AFG3L2: variants seen among roughly 807,000 people sequenced by gnomAD.
The protein encoded by AFG3L2 is mitochondrial inner membrane m-AAA protease component AFG3L2.
Under a neutral mutation model 94.5 loss-of-function variants are expected in AFG3L2, and 54 were observed. The observed-to-expected ratio is 0.57, with a 90% CI of 0.46 to 0.72. AFG3L2 has a LOEUF of 0.72. AFG3L2 is among the 30% of genes least tolerant of loss of function. The pLI is 0.00. For missense variants in AFG3L2, 754 were observed against 994.9 expected (o/e 0.76, Z 3.26); for synonymous variants, 377 against 365.5 (o/e 1.03, Z -0.36).
chr18:12,336,143 T>C (rs899002407), intron 16 of AFG3L2, among the ~76,000 whole-genome samples: 1 of 152,184 alleles, frequency 6.6e-6, no homozygotes, highest in Non-Finnish European at 1.5e-5. Flanking sequence ...CTTGTAAAAC[T>C]AATGAAAGGC....
At chr18:12,352,364 T>C (rs547457755) in intron 10 of AFG3L2, among the ~76,000 whole-genome samples, 4 of 152,066 alleles carry the variant, frequency 2.6e-5, no homozygotes, top group Non-Finnish European at 4.4e-5. Flanking sequence ...ACTGGCACTG[T>C]GCTTCCCCTT....
chr18:12,368,222 C>T (rs1908868909), intron 3 of AFG3L2, among the ~76,000 whole-genome samples: 1 of 151,434 alleles, frequency 6.6e-6, no homozygotes, highest in African/African-American at 2.4e-5. Context: ...AGCCAGGCAT[C>T]GTAGTGTGCA....
chr18:12,366,098 A>C (rs1280859904), intron 5 of AFG3L2, among the ~76,000 whole-genome samples: 1 of 151,966 alleles, frequency 6.6e-6, no homozygotes, highest in Non-Finnish European at 1.5e-5. Context: ...GGATGGTCTC[A>C]ATCTCCTGAC....
intron 16 of AFG3L2, among the ~76,000 whole-genome samples, chr18:12,333,518 C>A (rs1239927075): frequency 6.6e-6 from 1 of 150,734 alleles, no homozygotes; most frequent in Non-Finnish European, 1.5e-5. Flanking sequence ...TGCACACCAC[C>A]ATGCCGGGCT....
In AFG3L2 at chr18:12,358,855, T is replaced by A. The variant is rs200759046; in HGVS notation, c.841A>T (p.Thr281Ser). 1 of 1,614,232 alleles carries A rather than the reference T, an allele frequency of 6.2e-7. No homozygotes were observed. The highest frequency in any genetic ancestry group is 8.5e-7 in the Non-Finnish European group (1 of 1,180,046). ...IRRGPAGIGR[T>S]GRGMGGLFSV... ...AAGAGTCCGCCCATCCCTCGGCCTGTCCGGCCAATGCCAGCAGGCCCTCTT... is the reference window on the plus strand; with the variant it reads ...AAGAGTCCGCCCATCCCTCGGCCTGACCGGCCAATGCCAGCAGGCCCTCTT... The change falls in exon 8 of 17, where the codon ACA (threonine) becomes TCA (serine). Residue 281 changes from threonine (T) to serine (S), a missense_variant. Thr to Ser is a moderately conservative substitution (Grantham distance 58). Transcript: ENST00000269143.
chr18:12,335,298 G>C (rs1462178397), intron 16 of AFG3L2, among the ~76,000 whole-genome samples: 1 of 152,104 alleles, frequency 6.6e-6, no homozygotes, highest in African/African-American at 2.4e-5. Context: ...TTACTTTATT[G>C]CATGTAAAAT....
At chr18:12,364,613 C>G (rs1022170046) in intron 5 of AFG3L2, among the ~76,000 whole-genome samples, 2 of 152,158 alleles carry the variant, frequency 1.3e-5, no homozygotes, top group Non-Finnish European at 2.9e-5. Context: ...ATTTTTGTCA[C>G]TCTATAAATA....
At chr18:12,347,792 G>A (rs1402645912) in intron 13 of AFG3L2, among the ~76,000 whole-genome samples, 3 of 152,036 alleles carry the variant, frequency 2.0e-5, no homozygotes, top group Non-Finnish European at 2.9e-5. Flanking sequence ...CTTGTGATCT[G>A]CCTGCCTCGG....
At chr18:12,373,719 A>G (rs1202756335) in intron 1 of AFG3L2, among the ~76,000 whole-genome samples, 2 of 152,198 alleles carry the variant, frequency 1.3e-5, no homozygotes, top group African/African-American at 2.4e-5. Flanking sequence ...AGAAGGTGCT[A>G]CATCAAAACA....
intron 15 of AFG3L2, among the ~76,000 whole-genome samples, chr18:12,337,958 C>T (rs542899882): frequency 2.9e-4 from 44 of 152,194 alleles, no homozygotes; most frequent in African/African-American, 1.0e-3. Flanking sequence ...TTAATAGAGA[C>T]GGGTTTTTGT....
chr18:12,351,270 T>C (rs772411404), intron 11 of AFG3L2, 36 bp downstream of exon 11: 11 of 1,613,422 alleles, frequency 6.8e-6, no homozygotes, highest in East Asian at 4.5e-5. Flanking sequence ...CCTACACTCA[T>C]GAGCACTGGA....
intron 2 of AFG3L2, among the ~76,000 whole-genome samples, chr18:12,371,177 G>C (rs774062427): frequency 1.2e-4 from 18 of 152,086 alleles, no homozygotes; most frequent in Non-Finnish European, 2.5e-4. Flanking sequence ...GGCTGGGTGT[G>C]GTGGCAGGTG....
At chr18:12,358,350 T>C (rs1249940214) in intron 8 of AFG3L2, among the ~76,000 whole-genome samples, 1 of 152,180 alleles carries the variant, frequency 6.6e-6, no homozygotes, top group Non-Finnish European at 1.5e-5. Flanking sequence ...GAGTGTGACA[T>C]TGTCAGTGAG....
chr18:12,370,568 C>G (rs1908953253), intron 3 of AFG3L2, among the ~76,000 whole-genome samples: 1 of 151,360 alleles, frequency 6.6e-6, no homozygotes, highest in African/African-American at 2.4e-5. Flanking sequence ...GGTGATTCTC[C>G]CACCTCAGCC....
intron 6 of AFG3L2, among the ~76,000 whole-genome samples, chr18:12,362,651 C>G (rs1006842286): frequency 6.9e-6 from 1 of 145,890 alleles, no homozygotes; most frequent in Non-Finnish European, 1.5e-5. Context: ...CCCGTAGGGA[C>G]GGCACTGCCC....
rs547622822 is a variant in AFG3L2 at position 12,357,612 on chromosome 18, T to A, written c.1027-781A>T. ...GTTTGCTCAAACAATACACTTTTTT[T>A]TTTTTGAGATAGAGTTTCACTCTTG... On this transcript the variant is annotated intron_variant, in intron 8 of 16. Transcript: ENST00000269143. 2.0e-5 allele frequency among the ~76,000 whole-genome samples: 3 copies of A among 152,342 alleles called. No individual in the cohort carries two copies. The South Asian group carries it at 6.2e-4, about 32-fold the overall frequency.
intron 9 of AFG3L2, among the ~76,000 whole-genome samples, chr18:12,354,136 C>A (rs537367976): frequency 2.3e-4 from 29 of 125,528 alleles, no homozygotes; most frequent in South Asian, 8.8e-4. Flanking sequence ...ACTCCCACCC[C>A]CCCCCCCCCA....
At chr18:12,370,477 TTTC>T (rs1441477494) in intron 3 of AFG3L2, among the ~76,000 whole-genome samples, 15,344 of 113,200 alleles carry the variant, frequency 0.14, 893 homozygotes, top group East Asian at 0.23. Context: ...TTTTTTTTTT[TTTC>T]TTTTTTTTTT....
At chr18:12,370,479 T>C (rs906475809) in intron 3 of AFG3L2, among the ~76,000 whole-genome samples, 1,729 of 86,486 alleles carry the variant, frequency 0.02, 24 homozygotes, top group African/African-American at 0.098. Flanking sequence ...TTTTTTTTTT[T>C]CTTTTTTTTT....
Sources: gnomAD v4.1 joint callset for allele counts (sites outside exome capture counted in the v4.1 genomes callset) on GRCh38, gnomAD v4.1.1 for gene constraint, MANE v1.5 for transcripts, NCBI Gene and HGNC (gene_info 2026-07-23, HGNC 2026-07-21) for gene names.